Variants in PALS2 observed in about 807,000 individuals in gnomAD.
The protein encoded by PALS2 is protein PALS2.
In PALS2, 27 loss-of-function variants were observed where a neutral mutation model predicts 61.6. The ratio of observed to expected loss-of-function variants is 0.44; its 90% CI spans 0.32 to 0.60. PALS2 has a LOEUF of 0.60. PALS2 is among the 20% of genes least tolerant of loss of function. The pLI is 0.05. For missense variants in PALS2, 554 were observed against 639.4 expected (o/e 0.87, Z 1.44); for synonymous variants, 236 against 218.6 (o/e 1.08, Z -0.70).
chr7:24,616,561 G>A (rs1784299487), intron 1 of PALS2, among the ~76,000 whole-genome samples: 1 of 152,046 alleles, frequency 6.6e-6, no homozygotes, highest in East Asian at 1.9e-4. Flanking sequence ...CTTCACAGTT[G>A]AAATGAGTTT....
At chr7:24,592,185 T>A (rs1426982268) in intron 1 of PALS2, among the ~76,000 whole-genome samples, 4 of 152,034 alleles carry the variant, frequency 2.6e-5, no homozygotes, top group African/African-American at 9.7e-5. Flanking sequence ...AAAAGTAAAT[T>A]TTAGCAAGTA....
chr7:24,657,109 G>A (rs1412650781), intron 5 of PALS2, among the ~76,000 whole-genome samples: 2 of 152,072 alleles, frequency 1.3e-5, no homozygotes, highest in East Asian at 3.9e-4. Flanking sequence ...CCATTGCATG[G>A]CTGTACCACA....
At chr7:24,610,704 G>C (rs1446884822) in intron 1 of PALS2, among the ~76,000 whole-genome samples, 1 of 152,122 alleles carries the variant, frequency 6.6e-6, no homozygotes, top group African/African-American at 2.4e-5. Flanking sequence ...TGAAATTTCA[G>C]TCAGTTCTTT....
chr7:24,621,064 T>C (rs1784486764), intron 1 of PALS2, among the ~76,000 whole-genome samples: 1 of 152,190 alleles, frequency 6.6e-6, no homozygotes, highest in African/African-American at 2.4e-5. Flanking sequence ...TTTTAAAAAT[T>C]GATTCTATTG....
chr7:24,679,821 ATAG>A (rs1216955840), intron 10 of PALS2, among the ~76,000 whole-genome samples: 7 of 152,172 alleles, frequency 4.6e-5, no homozygotes, highest in Non-Finnish European at 8.8e-5. Flanking sequence ...AAAATTGTTA[ATAG>A]TTTCTTATGT....
At chr7:24,594,835 TGATCATA>T (rs1268131066) in intron 1 of PALS2, among the ~76,000 whole-genome samples, 1 of 152,128 alleles carries the variant, frequency 6.6e-6, no homozygotes. Flanking sequence ...AAAAGATTAC[TGATCATA>T]GATCATCATA....
intron 1 of PALS2, among the ~76,000 whole-genome samples, chr7:24,591,405 C>T (rs1783282041): frequency 6.6e-6 from 1 of 151,974 alleles, no homozygotes; most frequent in Admixed American, 6.6e-5. Context: ...TGGGCTCTTA[C>T]CATAAAGTCT....
chr7:24,588,254 C>A (rs1783149804), intron 1 of PALS2, among the ~76,000 whole-genome samples: 1 of 152,192 alleles, frequency 6.6e-6, no homozygotes. Context: ...ATCCTACCAA[C>A]AGCTTACAAT....
chr7:24,642,902 A>G (rs1785638565), intron 3 of PALS2, among the ~76,000 whole-genome samples: 3 of 152,124 alleles, frequency 2.0e-5, no homozygotes, highest in Non-Finnish European at 4.4e-5. Context: ...GGAGGGGGAG[A>G]TGAATAGGAA....
rs1229857679 is a variant in PALS2 at position 24,596,710 on chromosome 7, GA to G, written c.-3+23124del. Among the ~76,000 whole-genome samples the G allele has an allele frequency of 1.3e-5, 2 of 151,926 alleles. No individual in the cohort carries two copies. The highest frequency in any genetic ancestry group is 2.9e-5 in the Non-Finnish European group (2 of 67,966). On this transcript the variant is annotated intron_variant, in intron 1 of 11. Coordinates refer to ENST00000222644, the MANE Select transcript of PALS2 (RefSeq NM_001303037.2). This position sits in a 1 kb window ranked among gnomAD's most constrained non-coding sequence, Gnocchi z 4.5. ...ATTTATTTGAGCTCTGTTTAAAAAG[GA>G]AAAAAAGGACTCTCCGTATATCTAG...
chr7:24,651,542 G>A (rs1786149796), intron 5 of PALS2, among the ~76,000 whole-genome samples: 1 of 152,194 alleles, frequency 6.6e-6, no homozygotes, highest in South Asian at 2.1e-4. Context: ...CATAATGAGT[G>A]CTCAAGAAGT....
chr7:24,576,778 G>A lies in PALS2; in HGVS notation c.-3+3185G>A, dbSNP rs939181409. Among the ~76,000 whole-genome samples, 4 of 152,070 alleles carry A rather than the reference G, an allele frequency of 2.6e-5. No individual in the cohort carries two copies. In the East Asian group the frequency reaches 7.7e-4, roughly 29 times the overall value. On this transcript the variant is annotated intron_variant, in intron 1 of 11. Coordinates refer to ENST00000222644, the MANE Select transcript of PALS2 (RefSeq NM_001303037.2). ...ATATCCAAACCCTTTAAACAAATTG[G>A]TCTCCTCTTATAAAAAGCTTTTGGA...
Position 24,649,835 on chromosome 7 carries a change from G to GT in PALS2, c.423+74dup. ...TAATTTGTGGTTCAGTCACTACTCT[G>GT]TTTCATTTTTTTTCCTTTTCATAAT... On this transcript the variant is annotated intron_variant, in intron 4 of 11. Transcript: ENST00000222644. The GT allele has an allele frequency of 2.2e-6, 3 of 1,340,028 alleles. No homozygotes were observed. In the South Asian group the frequency reaches 5.8e-5, roughly 26 times the overall value. The allele number at this position is 1,340,028 out of a possible 1,614,324, so 83.0% of individuals were successfully genotyped here.
chr7:24,637,032 C>G lies in PALS2; in HGVS notation c.118-4684C>G, dbSNP rs181770174. Among the ~76,000 whole-genome samples the G allele has an allele frequency of 5.0e-3, 760 of 152,206 alleles. 5 individuals are homozygous for G. The highest frequency in any genetic ancestry group is 8.8e-3 in the Non-Finnish European group (600 of 67,978). ...GGTTATTGTGTATTTCCTCTGAATA[C>G]TATTAAAGCCAAGCTTTTAAAATGT... On this transcript the variant is annotated intron_variant, in intron 2 of 11. Transcript: ENST00000222644.
chr7:24,662,182 C>CG (rs1786756573), intron 5 of PALS2, among the ~76,000 whole-genome samples: 1 of 152,126 alleles, frequency 6.6e-6, no homozygotes, highest in South Asian at 2.1e-4. Flanking sequence ...TGAAAATCAT[C>CG]TAATTATAAA....
intron 1 of PALS2, among the ~76,000 whole-genome samples, chr7:24,582,029 T>G (rs139130864): frequency 6.6e-6 from 1 of 152,376 alleles, no homozygotes; most frequent in East Asian, 1.9e-4. Flanking sequence ...GCATTATCAC[T>G]GATTACCAGC....
Position 24,607,593 on chromosome 7 carries a change from ATG to A in PALS2, c.-2-16065_-2-16064del, listed in dbSNP as rs1015963436. ...CATATATGTGTGTATATATACATAT[ATG>A]TGTGTGTATATATACATATATATGT... On this transcript the variant is annotated intron_variant, in intron 1 of 11. Transcript: ENST00000222644. 5.1e-3 allele frequency among the ~76,000 whole-genome samples: 680 copies of A among 132,304 alleles called. 1 individual carries two copies. The highest frequency in any genetic ancestry group is 0.011 in the East Asian group (56 of 4,952). The allele number at this position is 132,304 out of a possible 152,430, so 86.8% of individuals were successfully genotyped here.
intron 1 of PALS2, among the ~76,000 whole-genome samples, chr7:24,602,435 G>A (rs1249353374): frequency 6.6e-6 from 1 of 152,124 alleles, no homozygotes; most frequent in African/African-American, 2.4e-5. Context: ...GAATGTCACT[G>A]TAGCTAGTTT....
intron 9 of PALS2, among the ~76,000 whole-genome samples, chr7:24,675,497 C>T (rs1279476128): frequency 6.7e-6 from 1 of 148,758 alleles, no homozygotes; most frequent in African/African-American, 2.5e-5. Context: ...CCCATTAACT[C>T]GTCATCTAGC....
Sources: allele counts gnomAD v4.1 joint callset (sites outside exome capture counted in the v4.1 genomes callset), GRCh38; gene constraint gnomAD v4.1.1; non-coding constraint Gnocchi (gnomAD v3.1); transcripts MANE v1.5; gene names NCBI Gene and HGNC (gene_info 2026-07-23, HGNC 2026-07-21).